The following SPMIP3 variants were observed in gnomAD, a reference collection of about 807,000 sequenced individuals.
The protein encoded by SPMIP3 is protein SPMIP3.
chr1:244,374,716 C>G, the SPMIP3 span, among the ~76,000 whole-genome samples: 2 of 151,228 alleles, frequency 1.3e-5, no homozygotes, highest in Non-Finnish European at 2.9e-5. Context: ...CCTGGCGCAG[C>G]CTTCCCAGTA....
the SPMIP3 span, among the ~76,000 whole-genome samples, chr1:244,382,249 G>C: frequency 6.6e-6 from 1 of 151,690 alleles, no homozygotes. Context: ...GATTGTGGTA[G>C]TGCTATATGG....
chr1:244,367,522 G>A, the SPMIP3 span, among the ~76,000 whole-genome samples: 8 of 152,094 alleles, frequency 5.3e-5, no homozygotes, highest in South Asian at 4.1e-4. Flanking sequence ...CTCACGGTGC[G>A]CACTATGGGC....
the SPMIP3 span, among the ~76,000 whole-genome samples, chr1:244,378,306 T>C: frequency 2.6e-5 from 4 of 152,102 alleles, no homozygotes; most frequent in Non-Finnish European, 5.9e-5. Flanking sequence ...CCCTGAACCA[T>C]CTACTGCAGC....
the SPMIP3 span, among the ~76,000 whole-genome samples, chr1:244,378,050 GC>G: frequency 6.6e-6 from 1 of 152,016 alleles, no homozygotes; most frequent in South Asian, 2.1e-4. Flanking sequence ...CAAGCGATCT[GC>G]CCCCATCAGC....
chr1:244,384,252 G>A, the SPMIP3 span, among the ~76,000 whole-genome samples: 1 of 152,148 alleles, frequency 6.6e-6, no homozygotes, highest in African/African-American at 2.4e-5. Flanking sequence ...TGCCCAGGCT[G>A]GAATGCAGTG....
chr1:244,381,330 G>A, the SPMIP3 span, among the ~76,000 whole-genome samples: 2 of 152,090 alleles, frequency 1.3e-5, no homozygotes, highest in Admixed American at 6.5e-5. Context: ...ATCTAGGTGC[G>A]CCTCCAGTTT....
the SPMIP3 span, among the ~76,000 whole-genome samples, chr1:244,374,302 A>G: frequency 4.0e-5 from 6 of 151,842 alleles, no homozygotes; most frequent in South Asian, 2.1e-4. Flanking sequence ...TGTTAGCTCA[A>G]TGATGCTCCC....
the SPMIP3 span, among the ~76,000 whole-genome samples, chr1:244,367,033 A>C: frequency 6.6e-6 from 1 of 152,216 alleles, no homozygotes; most frequent in Non-Finnish European, 1.5e-5. Context: ...CAGCTCTCTC[A>C]GCAGTTGTCA....
the SPMIP3 span, among the ~76,000 whole-genome samples, chr1:244,357,518 G>A: frequency 3.3e-5 from 5 of 151,858 alleles, no homozygotes; most frequent in Non-Finnish European, 7.4e-5. Context: ...GGACCAGCCT[G>A]ACAAACATGG....
chr1:244,372,741 C>T, the SPMIP3 span, among the ~76,000 whole-genome samples: 1 of 152,230 alleles, frequency 6.6e-6, no homozygotes, highest in Non-Finnish European at 1.5e-5. Flanking sequence ...AGCCTCCTGA[C>T]TTTGAATTTT....
chr1:244,367,143 C>T, the SPMIP3 span, among the ~76,000 whole-genome samples: 10 of 152,038 alleles, frequency 6.6e-5, no homozygotes, highest in Non-Finnish European at 1.5e-4. Flanking sequence ...ATGAAAGAAG[C>T]CATGACATGA....
the SPMIP3 span, among the ~76,000 whole-genome samples, chr1:244,376,093 A>G: frequency 6.6e-6 from 1 of 152,186 alleles, no homozygotes; most frequent in Non-Finnish European, 1.5e-5. Flanking sequence ...AAATAAGAAC[A>G]AGCAGAGGTG....
chr1:244,371,486 C>T, the SPMIP3 span, among the ~76,000 whole-genome samples: 1,936 of 152,386 alleles, frequency 0.013, 16 homozygotes, highest in Non-Finnish European at 0.021. Context: ...CACACACCTT[C>T]CCATTTTCTT....
the SPMIP3 span, among the ~76,000 whole-genome samples, chr1:244,374,271 T>G: frequency 6.6e-6 from 1 of 152,038 alleles, no homozygotes; most frequent in Non-Finnish European, 1.5e-5. Context: ...CCCACAGAAG[T>G]GCTCCCTCCC....
chr1:244,387,077 C>A, the SPMIP3 span, among the ~76,000 whole-genome samples: 5 of 152,154 alleles, frequency 3.3e-5, no homozygotes, highest in Admixed American at 2.6e-4. Flanking sequence ...CCAAGGTGGG[C>A]GGATCACTTG....
chr1:244,361,607 T>C, the SPMIP3 span, among the ~76,000 whole-genome samples: 5 of 152,200 alleles, frequency 3.3e-5, no homozygotes, highest in African/African-American at 1.2e-4. Context: ...CTTGAGGTGA[T>C]GGACACCCGC....
the SPMIP3 span, among the ~76,000 whole-genome samples, chr1:244,360,258 CG>C: frequency 6.6e-6 from 1 of 152,098 alleles, no homozygotes; most frequent in Non-Finnish European, 1.5e-5. Flanking sequence ...AACCTTCATA[CG>C]CTGTTGGTAG....
the SPMIP3 span, among the ~76,000 whole-genome samples, chr1:244,371,096 G>A: frequency 6.6e-6 from 1 of 152,156 alleles, no homozygotes; most frequent in Non-Finnish European, 1.5e-5. Context: ...ATTGAATTTT[G>A]ACTGTGGCTA....
At chr1:244,375,650 T>C in the SPMIP3 span, 2 of 485,402 alleles carry the variant, frequency 4.1e-6, no homozygotes, top group Non-Finnish European at 7.3e-6. Flanking sequence ...TAATGAGTGG[T>C]GAGATTATTC....
Sources: gnomAD v4.1 joint callset for allele counts (sites outside exome capture counted in the v4.1 genomes callset) on GRCh38, gnomAD v4.1.1 for gene constraint, MANE v1.5 for transcripts, NCBI Gene and HGNC (gene_info 2026-07-23, HGNC 2026-07-21) for gene names.